The following FBXW7 variants were observed in gnomAD, a reference collection of about 807,000 sequenced individuals.
FBXW7 encodes F-box and WD repeat domain containing 7.
Under a neutral mutation model 86.3 loss-of-function variants are expected in FBXW7, and 11 were observed. The ratio of observed to expected loss-of-function variants is 0.13; its 90% confidence interval spans 0.08 to 0.21. The LOEUF is 0.21. Among genes scored for constraint, FBXW7 ranks in the 10% least tolerant of loss-of-function variants. The probability of loss-of-function intolerance (pLI) is 1.00; values close to 1 mark genes in which losing one functional copy is unlikely to be tolerated. For missense variants in FBXW7, 488 were observed against 847.4 expected (o/e 0.58, Z 5.27); for synonymous variants, 313 against 297.9 (o/e 1.05, Z -0.52).
At chr4:152,487,596 T>C (rs1298587394) in intron 2 of FBXW7, among the ~76,000 whole-genome samples, 5 of 152,180 alleles carry the variant, frequency 3.3e-5, no homozygotes, top group Admixed American at 2.6e-4. Flanking sequence ...AGAAAAGTAA[T>C]TACCTCTGAG....
rs1728971422 is a variant in FBXW7, at chr4:152,325,893, C to G, written c.1644+113G>C. On this transcript the variant is annotated intron_variant, in intron 12 of 13. Coordinates refer to ENST00000281708, the MANE Select transcript of FBXW7 (RefSeq NM_001349798.2). Reference sequence around the variant, plus strand: ...ACGTATATAAAAACAGCAGAATAATCTGATTAATCTTTTTTGGACTGTACT... The same window carrying G: ...ACGTATATAAAAACAGCAGAATAATGTGATTAATCTTTTTTGGACTGTACT... 4.6e-5 allele frequency: 35 copies of G among 756,432 alleles called. No individual in the cohort carries two copies. The South Asian group carries it at 7.4e-4, about 16-fold the overall frequency. The allele number at this position is 756,432 out of a possible 1,614,324, so 46.9% of individuals were successfully genotyped here. A position where few individuals can be genotyped will look rare whatever the true frequency, so the allele number is the denominator to read the frequency against.
At chr4:152,464,210 G>C (rs886498286) in intron 2 of FBXW7, among the ~76,000 whole-genome samples, 3 of 152,134 alleles carry the variant, frequency 2.0e-5, no homozygotes, top group Non-Finnish European at 4.4e-5. Context: ...TGAGAAATTG[G>C]AGACACCTAG....
At chr4:152,409,838 T>A (rs955426688) in intron 4 of FBXW7, among the ~76,000 whole-genome samples, 2 of 151,434 alleles carry the variant, frequency 1.3e-5, no homozygotes, top group Non-Finnish European at 3.0e-5. Flanking sequence ...TAGAGCCCAG[T>A]CCATTCTTGT....
At chr4:152,349,268 T>C (rs982878113) in intron 5 of FBXW7, among the ~76,000 whole-genome samples, 2 of 151,720 alleles carry the variant, frequency 1.3e-5, no homozygotes, top group African/African-American at 4.8e-5. Context: ...TTTCAATCAC[T>C]TATTTTAAAA....
intron 4 of FBXW7, chr4:152,382,492 A>AC (rs1402038819): frequency 8.3e-7 from 1 of 1,203,492 alleles, no homozygotes; most frequent in Non-Finnish European, 1.0e-6. Context: ...ACCTTCCCCT[A>AC]CCAAATGTCC....
At position 152,384,250 on chromosome 4, in the gene FBXW7, A is replaced by G. The variant is rs546786076; in HGVS notation, c.501+27053T>C. Among the ~76,000 whole-genome samples, 12 of 152,248 alleles carry G rather than the reference A, an allele frequency of 7.9e-5. No individual in the cohort carries two copies. The South Asian group carries it at 1.9e-3, about 24-fold the overall frequency. ...GTATACACATGCTTATAGCAGCCTT[A>G]TTAACAATAGCCAAAAGGTAGAAGC... On this transcript the variant is annotated intron_variant, in intron 4 of 13. Coordinates refer to ENST00000281708, the MANE Select transcript of FBXW7 (RefSeq NM_001349798.2).
intron 4 of FBXW7, among the ~76,000 whole-genome samples, chr4:152,368,275 T>C (rs1409983564): frequency 2.0e-5 from 3 of 152,066 alleles, no homozygotes; most frequent in Non-Finnish European, 4.4e-5. Flanking sequence ...ACAAAGCTAA[T>C]ATGAAAACAG....
chr4:152,465,896 T>C (rs1743381454), intron 2 of FBXW7, among the ~76,000 whole-genome samples: 1 of 150,122 alleles, frequency 6.7e-6, no homozygotes, highest in Non-Finnish European at 1.5e-5. Context: ...GCCACTCAAG[T>C]GACTGTTAGC....
chr4:152,325,487 C>T (rs561585541), intron 12 of FBXW7: 3 of 151,862 alleles, frequency 2.0e-5, no homozygotes. Context: ...GAAATATAAA[C>T]CAAAAAAAAG....
intron 2 of FBXW7, among the ~76,000 whole-genome samples, chr4:152,492,623 GT>G (rs1162041819): frequency 1.3e-5 from 2 of 152,066 alleles, no homozygotes; most frequent in Non-Finnish European, 2.9e-5. Context: ...AATAACTAAT[GT>G]TTTTATCTTT....
intron 2 of FBXW7, among the ~76,000 whole-genome samples, chr4:152,463,185 G>C (rs2149635273): frequency 6.6e-6 from 1 of 151,988 alleles, no homozygotes; most frequent in African/African-American, 2.4e-5. Context: ...CTACTTGGAG[G>C]CTGACGCATG....
Position 152,411,493 on chromosome 4 carries a change from T to G in FBXW7, c.311A>C (p.His104Pro), listed in dbSNP as rs754765931. The G allele has an allele frequency of 2.0e-5, 33 of 1,613,634 alleles. No individual in the cohort carries two copies. The highest frequency in any genetic ancestry group is 2.6e-5 in the Non-Finnish European group (31 of 1,179,856). ...ATCCTCCTCATCTTGTTCACCAGCATGTTCTTCATCTTCCTCTTGTTCTTC... is the reference window on the plus strand; with the variant it reads ...ATCCTCCTCATCTTGTTCACCAGCAGGTTCTTCATCTTCCTCTTGTTCTTC... ...NQEEQEEDEE[H>P]AGEQDEEDEE... Residue 104 changes from histidine (H) to proline (P), a missense_variant, in exon 4 of 14, where the codon CAT becomes CCT. Around this residue, in one of 4 missense-constraint regions of FBXW7, gnomAD observed 230 missense variants for 240.0 expected, o/e 0.96. Coordinates refer to ENST00000281708, the MANE Select transcript of FBXW7 (RefSeq NM_001349798.2).
At chr4:152,324,143 C>T (rs1479441441) in intron 13 of FBXW7, 41 bp downstream of exon 13, 1 of 1,468,432 alleles carries the variant, frequency 6.8e-7, no homozygotes, top group Non-Finnish European at 9.5e-7. Flanking sequence ...GAATAATGAT[C>T]TCATTTTTAA....
rs1561015664 is a variant in FBXW7, at chr4:152,536,010, G to GCGGCA, written c.-1097_-1096insTGCCG. The GCGGCA allele has an allele frequency of 1.6e-4, 37 of 225,580 alleles. No homozygotes were observed. Among genetic ancestry groups the GCGGCA allele is most frequent in the African/African-American group, 8.2e-4 (34 of 41,588 alleles). The allele number at this position is 225,580 out of a possible 1,614,324, so 14.0% of individuals were successfully genotyped here. ...CGCTCTCAGTCTCAGCGGCGGCGGC[G>GCGGCA]GCGGCAGCGGCAGCGGCAGCGCCCG... On this transcript the variant is annotated 5_prime_UTR_variant, in exon 1 of 14. Coordinates refer to ENST00000281708, the MANE Select transcript of FBXW7 (RefSeq NM_001349798.2).
intron 4 of FBXW7, among the ~76,000 whole-genome samples, chr4:152,375,525 A>G (rs1217319790): frequency 6.6e-6 from 1 of 152,098 alleles, no homozygotes; most frequent in Non-Finnish European, 1.5e-5. Flanking sequence ...CTATAAGAAT[A>G]AAAAATAAAA....
At chr4:152,360,981 C>G (rs1474413215) in intron 4 of FBXW7, among the ~76,000 whole-genome samples, 2 of 151,776 alleles carry the variant, frequency 1.3e-5, no homozygotes, top group South Asian at 4.2e-4. Context: ...CAGAAGAATT[C>G]AAAATGACAA....
chr4:152,399,334 A>T (rs1274257103), intron 4 of FBXW7, among the ~76,000 whole-genome samples: 2 of 152,210 alleles, frequency 1.3e-5, no homozygotes, highest in Non-Finnish European at 2.9e-5. Flanking sequence ...CTTGATAAAG[A>T]CTACCTATAA....
intron 6 of FBXW7, among the ~76,000 whole-genome samples, chr4:152,344,699 T>C (rs926390562): frequency 1.3e-5 from 2 of 152,072 alleles, no homozygotes; most frequent in Admixed American, 6.6e-5. Context: ...CTCTAAAATA[T>C]CCTGACTAAA....
intron 4 of FBXW7, among the ~76,000 whole-genome samples, chr4:152,381,533 T>C (rs914993087): frequency 3.9e-5 from 6 of 152,112 alleles, no homozygotes; most frequent in African/African-American, 9.7e-5. Flanking sequence ...AAATTGCTCA[T>C]GTTAACAGGG....
Sources: gnomAD v4.1 joint callset for allele counts (sites outside exome capture counted in the v4.1 genomes callset) on GRCh38, gnomAD v4.1.1 for gene constraint, gnomAD v4.1.1 regional missense constraint, MANE v1.5 for transcripts, NCBI Gene and HGNC (gene_info 2026-07-23, HGNC 2026-07-21) for gene names.